Variants in SYMPK observed in about 807,000 individuals in gnomAD.
SYMPK encodes symplekin scaffold protein, also known as symplekin.
A neutral mutation model predicts 136.4 loss-of-function variants in SYMPK; 49 were observed. The observed-to-expected ratio is 0.36, with a 90% CI of 0.29 to 0.46. The LOEUF (loss-of-function observed/expected upper bound fraction) is 0.46. Among genes scored for constraint, SYMPK ranks in the 20% least tolerant of loss-of-function variants. The pLI is 1.00. For synonymous variants in SYMPK, 766 were observed against 713.0 expected (o/e 1.07, Z -1.19); for missense variants, 1,365 against 1,690.0 (o/e 0.81, Z 3.37).
At chr19:45,828,868 CG>C in intron 14 of SYMPK, 101 bp downstream of exon 14, 2 of 1,157,018 alleles carry the variant, frequency 1.7e-6, no homozygotes, top group South Asian at 1.4e-5. Context: ...AGGACTGACT[CG>C]GGGGGTGACG....
In SYMPK at chr19:45,842,437, A is replaced by G. The variant is rs141119918; in HGVS notation, c.900T>C (p.Asn300=). 2 of 1,613,988 alleles carry G rather than the reference A, an allele frequency of 1.2e-6. No homozygotes were observed. The highest frequency in any genetic ancestry group is 1.3e-5 in the African/African-American group (1 of 74,914). Reference sequence around the variant, plus strand: ...GCACACTCAACAGGTGCAGCTTCAGATTCTTACGCACACTGCTCACCTGCG... The same window carrying G: ...GCACACTCAACAGGTGCAGCTTCAGGTTCTTACGCACACTGCTCACCTGCG... ...AKSQVSSVRK[N]LKLHLLSVLK... The change falls in exon 9 of 27, where the codon AAT becomes AAC. Residue 300 remains asparagine, a synonymous_variant. Coordinates refer to ENST00000245934, the MANE Select transcript of SYMPK (RefSeq NM_004819.3).
At position 45,816,785 on chromosome 19, in the gene SYMPK, G is replaced by T. The variant is rs1439403368; in HGVS notation, c.3258+13C>A. The T allele has an allele frequency of 6.6e-7, 1 of 1,520,556 alleles. No homozygotes were observed. The highest frequency in any genetic ancestry group is 8.8e-7 in the Non-Finnish European group (1 of 1,133,290). 94.2% of individuals were successfully genotyped at this position (1,520,556 alleles called of 1,614,324 possible). ...GGTGGGGGGAAAGGGTACCTGGTGG[G>T]GGGAAGGGGTACCTGGTGGGGGGTG... On this transcript the variant is annotated intron_variant, in intron 24 of 26. Coordinates refer to ENST00000245934, the MANE Select transcript of SYMPK (RefSeq NM_004819.3).
rs541238882 is a variant in SYMPK at position 45,839,763 on chromosome 19, C to T, written c.1088-1148G>A. Among the ~76,000 whole-genome samples, 8 of 151,884 alleles carry T rather than the reference C, an allele frequency of 5.3e-5. No homozygotes were observed. The South Asian group carries it at 1.3e-3, about 24-fold the overall frequency. On this transcript the variant is annotated intron_variant, in intron 9 of 26. Coordinates refer to ENST00000245934, the MANE Select transcript of SYMPK (RefSeq NM_004819.3). The stretch of plus-strand genomic sequence containing the variant: ...AGGAGAATGGTGTGAACCCAGGAGG[C>T]GGAGCTTGCAGTGAGCCAAGATTGC...
At position 45,834,125 on chromosome 19, in the gene SYMPK, A is replaced by G. The variant is rs140309470; in HGVS notation, c.1393+953T>C. Among the ~76,000 whole-genome samples the G allele has an allele frequency of 5.8e-3, 880 of 152,298 alleles. 16 individuals carry two copies. Among genetic ancestry groups the G allele is most frequent in the Non-Finnish European group, 5.6e-3 (384 of 68,030 alleles). On this transcript the variant is annotated intron_variant, in intron 11 of 26. Transcript: ENST00000245934. ...AGACGGTGAAACCCCCGTCTCTACT[A>G]AAAATACAAAAAATTAGCCGGGCGT...
chr19:45,853,772 C>G (rs1227072915), intron 3 of SYMPK, among the ~76,000 whole-genome samples: 1 of 152,216 alleles, frequency 6.6e-6, no homozygotes, highest in Non-Finnish European at 1.5e-5. Flanking sequence ...GCTCCCTTCT[C>G]CATCCCAGCC....
rs1491508236 is a variant in SYMPK at position 45,859,953 on chromosome 19, T to TC, written c.-13+3104_-13+3105insG. ...CTGGGAGACACGGTAAGACTCCATC[T>TC]AAAAAAAAAAAAAAAAAAAAAAAAA... On this transcript the variant is annotated intron_variant, in intron 1 of 26. Coordinates refer to ENST00000245934, the MANE Select transcript of SYMPK (RefSeq NM_004819.3). Among the ~76,000 whole-genome samples the TC allele has an allele frequency of 4.3e-3, 372 of 85,666 alleles. 32 individuals are homozygous for TC. Among genetic ancestry groups the TC allele is most frequent in the African/African-American group, 0.012 (258 of 21,794 alleles). The allele number at this position is 85,666 out of a possible 152,430, so 56.2% of individuals were successfully genotyped here.
intron 1 of SYMPK, among the ~76,000 whole-genome samples, chr19:45,859,500 T>C (rs910811901): frequency 1.3e-5 from 2 of 152,064 alleles, no homozygotes; most frequent in Non-Finnish European, 2.9e-5. Context: ...CTTGGGAGGC[T>C]GAGGCATGAG....
At chr19:45,819,006 G>GC (rs998963961) in intron 22 of SYMPK, 5 of 151,980 alleles carry the variant, frequency 3.3e-5, no homozygotes, top group East Asian at 1.9e-4. Context: ...TCTCTAAGGG[G>GC]GGGGGCGTAG....
At chr19:45,847,602 G>C (rs1971595354) in intron 7 of SYMPK, 150 bp downstream of exon 7, 2 of 913,248 alleles carry the variant, frequency 2.2e-6, no homozygotes, top group Non-Finnish European at 3.2e-6. Flanking sequence ...GTGCAGCTGG[G>C]ATCTGAACCT....
chr19:45,854,569 G>A, intron 1 of SYMPK, 62 bp from the exon 2 acceptor site: 1 of 1,396,290 alleles, frequency 7.2e-7, no homozygotes, highest in Non-Finnish European at 1.0e-6. Flanking sequence ...GGCTGGGCTG[G>A]ATTGTCACCC....
intron 8 of SYMPK, 136 bp downstream of exon 8, chr19:45,843,894 A>C (rs1291592612): frequency 1.3e-6 from 1 of 774,666 alleles, no homozygotes; most frequent in Non-Finnish European, 1.7e-6. Flanking sequence ...CAGTGAGCCA[A>C]GATTGCACCA....
chr19:45,852,195 G>C (rs1971710103), intron 5 of SYMPK, 117 bp downstream of exon 5: 19 of 1,041,796 alleles, frequency 1.8e-5, no homozygotes, highest in Non-Finnish European at 2.7e-5. Flanking sequence ...GTATGAGAGA[G>C]AGAAAGGGTC....
At chr19:45,842,675 T>C in intron 8 of SYMPK, 186 bp from the exon 9 acceptor site, 1 of 675,480 alleles carries the variant, frequency 1.5e-6, no homozygotes, top group Non-Finnish European at 2.4e-6. Context: ...GGGGTCTCCA[T>C]CAGTATCAGT....
intron 3 of SYMPK, among the ~76,000 whole-genome samples, chr19:45,852,787 T>A (rs565171767): frequency 6.6e-6 from 1 of 152,040 alleles, no homozygotes; most frequent in East Asian, 1.9e-4. Flanking sequence ...TACAATGAGA[T>A]CCTACAAGGC....
chr19:45,827,479 A>G (rs1028132433), intron 16 of SYMPK, 31 bp downstream of exon 16: 2 of 1,543,882 alleles, frequency 1.3e-6, no homozygotes, highest in African/African-American at 2.7e-5. Flanking sequence ...CTGCAGGCTG[A>G]GGGCAGCCAG....
At position 45,831,289 on chromosome 19, in the gene SYMPK, A is replaced by ACACACG. The variant is rs779915114; in HGVS notation, c.1598+89_1598+94dup. On this transcript the variant is annotated intron_variant, in intron 12 of 26. Coordinates refer to ENST00000245934, the MANE Select transcript of SYMPK (RefSeq NM_004819.3). ...TTCTGTCTGCATCTCAGTTACACAC[A>ACACACG]CACACGCACACGCACACGCACACGC... 1.7e-4 allele frequency: 171 copies of ACACACG among 985,538 alleles called. 1 individual carries two copies. The South Asian group carries it at 1.9e-3, about 11-fold the overall frequency. The allele number at this position is 985,538 out of a possible 1,614,324, so 61.0% of individuals were successfully genotyped here.
chr19:45,827,071 G>A (rs567246575), intron 16 of SYMPK, among the ~76,000 whole-genome samples: 32 of 152,234 alleles, frequency 2.1e-4, no homozygotes, highest in Non-Finnish European at 4.3e-4. Context: ...CCTCCCCAGG[G>A]CAGCCACACA....
At chr19:45,823,312 T>G (rs1970953586) in intron 20 of SYMPK, 60 bp downstream of exon 20, 1 of 1,539,636 alleles carries the variant, frequency 6.5e-7, no homozygotes, top group Non-Finnish European at 9.0e-7. Context: ...CGTGCTGCCC[T>G]GCCCCTCCCA....
chr19:45,831,185 T>A (rs1318951320), intron 12 of SYMPK, 199 bp downstream of exon 12: 9 of 394,444 alleles, frequency 2.3e-5, no homozygotes, highest in Non-Finnish European at 4.0e-5. Flanking sequence ...TTTTTTTTTT[T>A]TTACAGGAAA....
Sources: allele counts gnomAD v4.1 joint callset (sites outside exome capture counted in the v4.1 genomes callset), GRCh38; gene constraint gnomAD v4.1.1; transcripts MANE v1.5; gene names NCBI Gene and HGNC (gene_info 2026-07-23, HGNC 2026-07-21).